The following KNTC1 variants were observed in gnomAD, a reference collection of about 807,000 sequenced individuals.
The protein encoded by KNTC1 is kinetochore associated 1, also known as kinetochore-associated protein 1.
Under a neutral mutation model 314.4 loss-of-function variants are expected in KNTC1, and 253 were observed. The observed-to-expected ratio is 0.80, with a 90% CI of 0.73 to 0.89. The LOEUF is 0.89. KNTC1 is among the 40% of genes least tolerant of loss of function. The pLI is 0.00. For synonymous variants in KNTC1, 901 were observed against 901.4 expected (o/e 1.00, Z 0.01); for missense variants, 2,475 against 2,572.9 (o/e 0.96, Z 0.82).
intron 11 of KNTC1, 48 bp from the exon 12 acceptor site, chr12:122,547,867 T>A (rs551002040): frequency 9.1e-7 from 1 of 1,094,798 alleles, no homozygotes; most frequent in African/African-American, 1.6e-5. Flanking sequence ...TATGTTTTTG[T>A]TGTGTAAAAG....
chr12:122,570,436 G>C (rs1223871297), intron 22 of KNTC1, among the ~76,000 whole-genome samples: 1 of 151,188 alleles, frequency 6.6e-6, no homozygotes, highest in Non-Finnish European at 1.5e-5. Context: ...AGAATTGCTT[G>C]ACCCAGGAGG....
At chr12:122,598,961 T>C (rs9705654) in intron 44 of KNTC1, among the ~76,000 whole-genome samples, 116,727 of 151,500 alleles carry the variant, frequency 0.77, 45,368 homozygotes, top group African/African-American at 0.86. Context: ...AGGTGCATGC[T>C]GCCATACCCC....
chr12:122,527,764 CA>C (rs1960845587), intron 1 of KNTC1: 2 of 152,330 alleles, frequency 1.3e-5, no homozygotes, highest in African/African-American at 4.8e-5. Context: ...GCTTCCTACC[CA>C]GCCTCCGAGT....
intron 31 of KNTC1, among the ~76,000 whole-genome samples, chr12:122,579,353 C>T (rs868463669): frequency 6.6e-6 from 1 of 151,702 alleles, no homozygotes; most frequent in African/African-American, 2.4e-5. Context: ...CGTGAGCCAC[C>T]GCGCCCGGCC....
At chr12:122,546,808 C>T in intron 10 of KNTC1, 134 bp downstream of exon 10, 2 of 491,244 alleles carry the variant, frequency 4.1e-6, no homozygotes, top group Non-Finnish European at 3.5e-6. Context: ...AGTATATGTA[C>T]CAAAAAGTTG....
intron 18 of KNTC1, among the ~76,000 whole-genome samples, chr12:122,558,956 T>C (rs1963791811): frequency 2.0e-5 from 3 of 152,174 alleles, no homozygotes; most frequent in African/African-American, 7.2e-5. Context: ...ACCACTAATT[T>C]ACCTCCTGTC....
At chr12:122,569,948 TA>T in intron 22 of KNTC1, 124 bp downstream of exon 22, 1 of 777,342 alleles carries the variant, frequency 1.3e-6, no homozygotes, top group Non-Finnish European at 2.0e-6. Flanking sequence ...CTGTGTTAAT[TA>T]AAGTGTCTCT....
intron 21 of KNTC1, among the ~76,000 whole-genome samples, chr12:122,568,641 A>G (rs559239716): frequency 2.0e-5 from 3 of 152,350 alleles, no homozygotes; most frequent in South Asian, 4.1e-4. Flanking sequence ...GTTCGAGACC[A>G]GCCTGGTCAA....
At chr12:122,618,771 C>T (rs1451582007) in intron 59 of KNTC1, among the ~76,000 whole-genome samples, 1 of 151,916 alleles carries the variant, frequency 6.6e-6, no homozygotes, top group African/African-American at 2.4e-5. Flanking sequence ...CAGATTCAAG[C>T]GATTCTCCTG....
At chr12:122,595,355 T>G (rs1302405102) in intron 43 of KNTC1, among the ~76,000 whole-genome samples, 1 of 152,256 alleles carries the variant, frequency 6.6e-6, no homozygotes, top group Non-Finnish European at 1.5e-5. Flanking sequence ...ATAGTTCTTA[T>G]TGCATATGTT....
At chr12:122,552,910 T>G in intron 16 of KNTC1, among the ~76,000 whole-genome samples, 1 of 152,172 alleles carries the variant, frequency 6.6e-6, no homozygotes, top group East Asian at 1.9e-4. Context: ...TCCAGCACTT[T>G]GGGAGACAGA....
chr12:122,562,101 A>G (rs1050107590), intron 19 of KNTC1, 127 bp downstream of exon 19: 1 of 868,902 alleles, frequency 1.2e-6, no homozygotes, highest in African/African-American at 1.7e-5. Context: ...CTTATCTGCA[A>G]AATGGTAATA....
Position 122,582,988 on chromosome 12 carries a change from G to A in KNTC1, c.3263+3G>A, listed in dbSNP as rs1315816617. The A allele has an allele frequency of 6.9e-6, 11 of 1,602,124 alleles. No homozygotes were observed. Among genetic ancestry groups the A allele is most frequent in the Non-Finnish European group, 9.4e-6 (11 of 1,172,582 alleles). ...AAAACAGCACTGAAAAAATGCAGGT[G>A]ACATTCCAGATCCCTGAATTGCATA... On this transcript the variant is annotated splice_donor_region_variant and intron_variant, in intron 34 of 63. Coordinates refer to ENST00000333479, the MANE Select transcript of KNTC1 (RefSeq NM_014708.6).
At chr12:122,557,343 T>C (rs780761212) in intron 16 of KNTC1, 41 bp from the exon 17 acceptor site, 4 of 1,587,286 alleles carry the variant, frequency 2.5e-6, no homozygotes, top group South Asian at 1.1e-5. Context: ...ACAGGTATTA[T>C]TGTACTTCAA....
Position 122,577,014 on chromosome 12 carries a change from G to A in KNTC1, c.2706G>A (p.Leu902=). ...TCTACAGTCTAAGAATTATTGACCT[G>A]ATTGATAGAGAACAGGTTTGTAAGT... ...DEIYSLRIID[L]IDREQGEDCL... is the part of the protein sequence containing the mutation. The change falls in exon 30 of 64, where the codon CTG becomes CTA. Residue 902 remains leucine, a synonymous_variant. Transcript: ENST00000333479. 6.5e-7 allele frequency: 1 copy of A among 1,549,284 alleles called. No individual in the cohort carries two copies. The highest frequency in any genetic ancestry group is 2.3e-5 in the East Asian group (1 of 42,654).
In KNTC1 at chr12:122,562,957, C is replaced by T. The variant is rs988011616; in HGVS notation, c.1604+258C>T. On this transcript the variant is annotated intron_variant, in intron 20 of 63. Coordinates refer to ENST00000333479, the MANE Select transcript of KNTC1 (RefSeq NM_014708.6). ...CCGGGAGGCAGAGGTTGCAGTGAGCCGAGATCGTGCCACTGCACCCCAGCC... is the reference window on the plus strand; with the variant it reads ...CCGGGAGGCAGAGGTTGCAGTGAGCTGAGATCGTGCCACTGCACCCCAGCC... 3.3e-5 allele frequency among the ~76,000 whole-genome samples: 5 copies of T among 151,336 alleles called. No homozygotes were observed. The South Asian group carries it at 6.3e-4, about 19-fold the overall frequency.
At chr12:122,565,952 CTTTTT>C (rs527446641) in intron 20 of KNTC1, among the ~76,000 whole-genome samples, 1 of 128,248 alleles carries the variant, frequency 7.8e-6, no homozygotes. Flanking sequence ...ACGTTTCAAT[CTTTTT>C]TTTTTTTTTT....
In KNTC1 at chr12:122,547,404, C is replaced by G. The variant is rs1051784366; in HGVS notation, c.817-11C>G. 2 of 1,527,366 alleles carry G rather than the reference C, an allele frequency of 1.3e-6. No individual in the cohort carries two copies. The highest frequency in any genetic ancestry group is 1.8e-6 in the Non-Finnish European group (2 of 1,103,170). 94.6% of individuals were successfully genotyped at this position (1,527,366 alleles called of 1,614,324 possible). A position where few individuals can be genotyped will look rare whatever the true frequency, so the allele number is the denominator to read the frequency against. On this transcript the variant is annotated splice_polypyrimidine_tract_variant and intron_variant, in intron 10 of 63. Coordinates refer to ENST00000333479, the MANE Select transcript of KNTC1 (RefSeq NM_014708.6). ...AAAAAAGGACATGTAAATGAAATGTCTCTATTGCAGAACGTGCTGAGTTTA... is the reference window on the plus strand; with the variant it reads ...AAAAAAGGACATGTAAATGAAATGTGTCTATTGCAGAACGTGCTGAGTTTA...
At chr12:122,528,603 T>G (rs1173164832) in intron 1 of KNTC1, among the ~76,000 whole-genome samples, 1 of 152,122 alleles carries the variant, frequency 6.6e-6, no homozygotes, top group Non-Finnish European at 1.5e-5. Context: ...ACTAAATTAG[T>G]CCCTTGGTAT....
Sources: allele counts gnomAD v4.1 joint callset (sites outside exome capture counted in the v4.1 genomes callset), GRCh38; gene constraint gnomAD v4.1.1; transcripts MANE v1.5; gene names NCBI Gene and HGNC (gene_info 2026-07-23, HGNC 2026-07-21).